The following CLASP2 variants were observed in gnomAD, a reference collection of about 807,000 sequenced individuals.
The protein encoded by CLASP2 is cytoplasmic linker associated protein 2, also known as CLIP-associating protein 2.
CLASP2 carries 47 observed loss-of-function variants against 194.4 expected under a neutral mutation model. That is an observed-to-expected ratio of 0.24 (90% CI 0.19 to 0.31). CLASP2 has a LOEUF of 0.31. Among genes scored for constraint, CLASP2 ranks in the 10% least tolerant of loss-of-function variants. The pLI, the probability that CLASP2 is intolerant of heterozygous loss-of-function variation, is 1.00. For missense variants in CLASP2, 1,445 were observed against 1,823.6 expected (o/e 0.79, Z 3.78); for synonymous variants, 619 against 633.5 (o/e 0.98, Z 0.34).
intron 34 of CLASP2, among the ~76,000 whole-genome samples, chr3:33,534,078 G>A (rs559923140): frequency 3.3e-5 from 5 of 152,150 alleles, no homozygotes; most frequent in Non-Finnish European, 5.9e-5. Flanking sequence ...AAAGGTTTAT[G>A]CAGAAATATG....
intron 21 of CLASP2, among the ~76,000 whole-genome samples, chr3:33,587,360 A>G (rs2067639842): frequency 6.6e-6 from 1 of 152,056 alleles, no homozygotes; most frequent in Admixed American, 6.5e-5. Context: ...TCCTGACTTC[A>G]TGATCCGCCT....
At position 33,684,399 on chromosome 3, in the gene CLASP2, CT is replaced by C; in HGVS notation, c.603del (p.Val202Ter). The C allele has an allele frequency of 6.2e-7, 1 of 1,605,102 alleles. No homozygotes were observed. On this transcript the variant is annotated frameshift_variant, in exon 6 of 39. Transcript: ENST00000682230. LOFTEE classifies it high-confidence loss of function. Reference protein sequence around the residue: ...IVEIYRHVGEKVRMDLYKRGI... With the variant: ...IVEIYRHVGEXVRMDLYKRGI... ...CCTCTCTTATAAAGATCCATCCTCA[CT>C]TTTTCTCCCACATGTCTATAAATCT...
At chr3:33,527,893 G>A (rs1243185747) in intron 34 of CLASP2, among the ~76,000 whole-genome samples, 1 of 152,112 alleles carries the variant, frequency 6.6e-6, no homozygotes, top group Non-Finnish European at 1.5e-5. Flanking sequence ...AACCCAGAAG[G>A]TGGAAGTTGC....
intron 7 of CLASP2, among the ~76,000 whole-genome samples, chr3:33,647,135 GCAAA>G (rs1001969336): frequency 6.6e-6 from 1 of 152,120 alleles, no homozygotes; most frequent in Non-Finnish European, 1.5e-5. Flanking sequence ...TAAAAGGTAA[GCAAA>G]CAAAGTCAAA....
intron 21 of CLASP2, among the ~76,000 whole-genome samples, chr3:33,585,896 A>C (rs1248405870): frequency 6.6e-6 from 1 of 152,162 alleles, no homozygotes; most frequent in East Asian, 1.9e-4. Flanking sequence ...TTGCCTGCTG[A>C]GATTTCTCTG....
chr3:33,671,697 G>C (rs1035567378), intron 6 of CLASP2, among the ~76,000 whole-genome samples: 3 of 152,324 alleles, frequency 2.0e-5, no homozygotes, highest in South Asian at 4.1e-4. Flanking sequence ...GTCAAAGAAA[G>C]GGGTGACAGA....
intron 2 of CLASP2, among the ~76,000 whole-genome samples, chr3:33,696,353 C>CTTTTTTTTTTT (rs962854814): frequency 8.0e-4 from 42 of 52,730 alleles, no homozygotes; most frequent in African/African-American, 2.6e-3. Context: ...TTCTTTCTTT[C>CTTTTTTTTTTT]TTTTTTTTTT....
intron 23 of CLASP2, among the ~76,000 whole-genome samples, chr3:33,579,471 G>A (rs1243298197): frequency 2.6e-5 from 4 of 152,142 alleles, no homozygotes; most frequent in East Asian, 1.9e-4. Context: ...TTCTAGGAAC[G>A]TGCAATATCA....
At chr3:33,505,808 C>T (rs2048020819) in intron 37 of CLASP2, among the ~76,000 whole-genome samples, 1 of 152,166 alleles carries the variant, frequency 6.6e-6, no homozygotes. Context: ...AATCCCAACA[C>T]TTTGGGAGGT....
In CLASP2 at chr3:33,684,471, A is replaced by G. The variant is rs2154345059; in HGVS notation, c.547-15T>C. The G allele has an allele frequency of 6.5e-7, 1 of 1,527,314 alleles. No homozygotes were observed. Among genetic ancestry groups the G allele is most frequent in the Non-Finnish European group, 8.9e-7 (1 of 1,118,092 alleles). The allele number at this position is 1,527,314 out of a possible 1,614,324, so 94.6% of individuals were successfully genotyped here. A position where few individuals can be genotyped will look rare whatever the true frequency, so the allele number is the denominator to read the frequency against. ...GCATCTCTCACCTGTCAAAGAATTC[A>G]GAACTTTTTAATAAACTTATATATG... is the stretch of plus-strand genomic sequence containing the variant. On this transcript the variant is annotated splice_polypyrimidine_tract_variant and intron_variant, in intron 5 of 38. Coordinates refer to ENST00000682230, the MANE Select transcript of CLASP2 (RefSeq NM_001365631.1).
At chr3:33,710,149 G>C (rs116402906) in intron 1 of CLASP2, among the ~76,000 whole-genome samples, 1,625 of 152,160 alleles carry the variant, frequency 0.011, 34 homozygotes, top group African/African-American at 0.037. Flanking sequence ...TGTAATTACA[G>C]AAAGCATGAT....
chr3:33,616,950 G>C (rs1259345836), intron 12 of CLASP2, among the ~76,000 whole-genome samples: 4 of 150,730 alleles, frequency 2.7e-5, no homozygotes, highest in Admixed American at 2.0e-4. Flanking sequence ...ATATTGGCCT[G>C]GCTGGTCTTG....
intron 1 of CLASP2, among the ~76,000 whole-genome samples, chr3:33,703,174 A>G (rs1370306273): frequency 6.6e-6 from 1 of 152,212 alleles, no homozygotes; most frequent in Non-Finnish European, 1.5e-5. Context: ...AACAAACCAC[A>G]GACTGGGGGA....
At chr3:33,649,106 A>G (rs577373391) in intron 7 of CLASP2, among the ~76,000 whole-genome samples, 37 of 99,686 alleles carry the variant, frequency 3.7e-4, no homozygotes, top group African/African-American at 9.0e-4. Context: ...CTATGATTCA[A>G]TGGCAGGGCC....
At position 33,510,734 on chromosome 3, in the gene CLASP2, C is replaced by G; in HGVS notation, c.4141G>C (p.Val1381Leu). ...VVRSAEEAAS[V>L]LATSISPEQC... ...TCTGGACTAATTGAAGTGGCCAACA[C>G]TGATGCCGCTTCCTCAGCAGATCTC... Residue 1381 changes from valine (V) to leucine (L), a missense_variant, in exon 37 of 39, where the codon GTG (valine) becomes CTG (leucine). By Grantham distance (32) the Val-to-Leu change is conservative. Coordinates refer to ENST00000682230, the MANE Select transcript of CLASP2 (RefSeq NM_001365631.1). 1.2e-6 allele frequency: 2 copies of G among 1,612,352 alleles called. No individual in the cohort carries two copies. Among genetic ancestry groups the G allele is most frequent in the Non-Finnish European group, 1.7e-6 (2 of 1,179,172 alleles).
chr3:33,615,455 A>T (rs577279661), intron 12 of CLASP2, among the ~76,000 whole-genome samples: 2 of 151,736 alleles, frequency 1.3e-5, no homozygotes, highest in South Asian at 4.1e-4. Context: ...TTTCAAGATG[A>T]TAATAGTAAA....
intron 30 of CLASP2, among the ~76,000 whole-genome samples, chr3:33,548,750 T>C (rs1380377401): frequency 6.6e-6 from 1 of 150,620 alleles, no homozygotes; most frequent in Non-Finnish European, 1.5e-5. Context: ...AGGTAACGAC[T>C]ACGGTTTCAT....
intron 7 of CLASP2, among the ~76,000 whole-genome samples, chr3:33,647,841 T>G (rs954168355): frequency 6.6e-6 from 1 of 152,108 alleles, no homozygotes; most frequent in Non-Finnish European, 1.5e-5. Flanking sequence ...GAGACCATCC[T>G]GGCTAACACG....
intron 37 of CLASP2, chr3:33,502,597 C>T (rs2047091183): frequency 6.6e-6 from 1 of 152,194 alleles, no homozygotes; most frequent in African/African-American, 2.4e-5. Flanking sequence ...ATCTCTCCCA[C>T]TTACGCTTTT....
Sources: gnomAD v4.1 joint callset for allele counts (sites outside exome capture counted in the v4.1 genomes callset) on GRCh38, gnomAD v4.1.1 for gene constraint, MANE v1.5 for transcripts, NCBI Gene and HGNC (gene_info 2026-07-23, HGNC 2026-07-21) for gene names.